The following DGKI variants were observed in gnomAD, a reference collection of about 807,000 sequenced individuals.
DGKI encodes the protein DAG kinase iota.
A neutral mutation model predicts 147.5 loss-of-function variants in DGKI; 55 were observed. That is an observed-to-expected ratio of 0.37 (90% CI 0.30 to 0.47). The LOEUF (loss-of-function observed/expected upper bound fraction) is 0.47, where lower values mean the gene tolerates loss of function less well. Ranked by LOEUF, DGKI falls within the 20% of genes least tolerant of loss-of-function variation. The pLI is 1.00. For missense variants in DGKI, 1,007 were observed against 1,323.8 expected, an observed-to-expected ratio of 0.76 and a Z score of 3.71; for synonymous variants, 469 against 477.1, an observed-to-expected ratio of 0.98 and a Z score of 0.22.
At chr7:137,805,099 T>C (rs899660066) in intron 1 of DGKI, among the ~76,000 whole-genome samples, 1 of 152,238 alleles carries the variant, frequency 6.6e-6, no homozygotes, top group Non-Finnish European at 1.5e-5. Flanking sequence ...TGATGTGTAT[T>C]GAGTGCTATT....
intron 1 of DGKI, among the ~76,000 whole-genome samples, chr7:137,818,576 G>A (rs1797805241): frequency 1.3e-5 from 2 of 152,198 alleles, no homozygotes; most frequent in Non-Finnish European, 2.9e-5. Context: ...CAAGTAGCTG[G>A]GATTATAGGC....
intron 23 of DGKI, among the ~76,000 whole-genome samples, chr7:137,483,038 A>G (rs1815424870): frequency 1.3e-5 from 2 of 152,124 alleles, no homozygotes; most frequent in South Asian, 4.1e-4. Context: ...AAACAAAATA[A>G]TGCAGCAATA....
chr7:137,543,982 T>C (rs1817785583), intron 20 of DGKI, among the ~76,000 whole-genome samples: 1 of 152,194 alleles, frequency 6.6e-6, no homozygotes. Context: ...TATCTATAGG[T>C]AGAAAATCTA....
At chr7:137,677,096 A>C (rs2116384676) in intron 3 of DGKI, among the ~76,000 whole-genome samples, 1 of 152,332 alleles carries the variant, frequency 6.6e-6, no homozygotes, top group Middle Eastern at 3.4e-3. Flanking sequence ...TTTAGTCCAA[A>C]CAGCTGAGCT....
intron 20 of DGKI, among the ~76,000 whole-genome samples, chr7:137,535,232 T>C (rs1817476772): frequency 6.6e-6 from 1 of 152,114 alleles, no homozygotes; most frequent in Non-Finnish European, 1.5e-5. Context: ...AAAAGATATA[T>C]AATGGAAGAA....
At chr7:137,475,391 T>C (rs112587495) in intron 23 of DGKI, among the ~76,000 whole-genome samples, 124 of 152,304 alleles carry the variant, frequency 8.1e-4, no homozygotes, top group African/African-American at 2.2e-3. Flanking sequence ...TACAGGATAT[T>C]GTCTTCAAGG....
At chr7:137,445,101 T>A (rs929973208) in intron 27 of DGKI, among the ~76,000 whole-genome samples, 2 of 152,190 alleles carry the variant, frequency 1.3e-5, no homozygotes, top group African/African-American at 4.8e-5. Context: ...CTAATATTTA[T>A]GAGACATGAA....
intron 1 of DGKI, among the ~76,000 whole-genome samples, chr7:137,708,532 T>G (rs1467144193): frequency 6.6e-6 from 1 of 152,182 alleles, no homozygotes; most frequent in Non-Finnish European, 1.5e-5. Context: ...ACAGGAAACA[T>G]CCGATTCAAT....
At chr7:137,688,082 T>C (rs1823481460) in intron 2 of DGKI, among the ~76,000 whole-genome samples, 1 of 152,162 alleles carries the variant, frequency 6.6e-6, no homozygotes, top group South Asian at 2.1e-4. Flanking sequence ...GCAGGACACT[T>C]CTTTTAAAAA....
At chr7:137,538,770 G>A (rs985531093) in intron 20 of DGKI, among the ~76,000 whole-genome samples, 13 of 152,208 alleles carry the variant, frequency 8.5e-5, no homozygotes, top group Admixed American at 2.0e-4. Flanking sequence ...GCTATACAAT[G>A]TGGACAGGTT....
intron 23 of DGKI, among the ~76,000 whole-genome samples, chr7:137,483,057 T>G (rs997084424): frequency 1.3e-5 from 2 of 152,068 alleles, no homozygotes; most frequent in Non-Finnish European, 2.9e-5. Context: ...TATTTTGACA[T>G]AGAAAAATAT....
chr7:137,804,403 C>T (rs1317483207), intron 1 of DGKI, among the ~76,000 whole-genome samples: 11 of 152,158 alleles, frequency 7.2e-5, no homozygotes, highest in Admixed American at 5.2e-4. Context: ...ATTATTGGCT[C>T]GATGCCCTGT....
At chr7:137,534,430 T>C (rs747292147) in intron 20 of DGKI, among the ~76,000 whole-genome samples, 13 of 152,106 alleles carry the variant, frequency 8.5e-5, no homozygotes, top group Non-Finnish European at 1.9e-4. Context: ...TCCTTCCCGT[T>C]TATAGTCTGC....
At chr7:137,403,079 G>A (rs946869458) in intron 30 of DGKI, among the ~76,000 whole-genome samples, 3 of 152,040 alleles carry the variant, frequency 2.0e-5, no homozygotes, top group African/African-American at 7.2e-5. Context: ...AGGGGCAAAC[G>A]AGGGGGGAGG....
intron 3 of DGKI, among the ~76,000 whole-genome samples, chr7:137,664,652 C>T (rs551418250): frequency 4.1e-4 from 63 of 152,148 alleles, no homozygotes; most frequent in Non-Finnish European, 2.2e-4. Context: ...GTTAGTTAAA[C>T]CTTGGAATAT....
At chr7:137,407,434 G>GA (rs954668885) in intron 30 of DGKI, among the ~76,000 whole-genome samples, 23 of 149,396 alleles carry the variant, frequency 1.5e-4, no homozygotes, top group African/African-American at 2.5e-4. Context: ...AGATCAAACA[G>GA]AAAAAAAAAT....
At chr7:137,391,612 G>A (rs1811368535) in intron 32 of DGKI, among the ~76,000 whole-genome samples, 1 of 152,026 alleles carries the variant, frequency 6.6e-6, no homozygotes, top group Admixed American at 6.6e-5. Context: ...TTTATACTAG[G>A]GAAACAGAAG....
At chr7:137,555,907 A>C (rs754275064) in intron 19 of DGKI, among the ~76,000 whole-genome samples, 11 of 152,146 alleles carry the variant, frequency 7.2e-5, no homozygotes, top group Non-Finnish European at 1.5e-4. Flanking sequence ...AACTAGATAA[A>C]AGCAGTACAA....
At chr7:137,508,408 A>T (rs1036369265) in intron 21 of DGKI, among the ~76,000 whole-genome samples, 21 of 151,560 alleles carry the variant, frequency 1.4e-4, no homozygotes, top group African/African-American at 5.1e-4. Context: ...TTGTATTTTT[A>T]GTAGAGACAG....
Sources: gnomAD v4.1 joint callset for allele counts (sites outside exome capture counted in the v4.1 genomes callset) on GRCh38, gnomAD v4.1.1 for gene constraint, MANE v1.5 for transcripts, NCBI Gene and HGNC (gene_info 2026-07-23, HGNC 2026-07-21) for gene names.